CHAMP1: variants seen among roughly 807,000 people sequenced by gnomAD.
CHAMP1 encodes the protein chromosome alignment maintaining phosphoprotein 1, also known as chromosome alignment-maintaining phosphoprotein 1.
In CHAMP1, 4 loss-of-function variants were observed where a neutral mutation model predicts 54.5. That is an observed-to-expected ratio of 0.07 (90% confidence interval 0.04 to 0.17). CHAMP1 has a LOEUF of 0.17. CHAMP1 is among the 10% of genes least tolerant of loss of function. CHAMP1 has a pLI of 1.00. For synonymous variants in CHAMP1, 368 were observed against 342.2 expected, an observed-to-expected ratio of 1.08 and a Z score of -0.83; for missense variants, 994 against 968.6, an observed-to-expected ratio of 1.03 and a Z score of -0.35.
chr13:114,323,142 A>C (rs991793995), intron 2 of CHAMP1: 2 of 152,220 alleles, frequency 1.3e-5, no homozygotes, highest in African/African-American at 4.8e-5. Context: ...GCCATATTGC[A>C]AAGCACTGCT....
rs782358795 is a variant in CHAMP1 at position 114,325,347 on chromosome 13, C to A, written c.1505C>A (p.Ser502Tyr). ...VFPETRKPGP[S>Y]GPSESPKAAS... ...CCTGAGACCCGAAAACCAGGTCCTT[C>A]TGGGCCATCTGAGTCCCCCAAAGCA... Residue 502 changes from serine to tyrosine, a missense_variant, in exon 3 of 3, where the codon TCT (serine) becomes TAT (tyrosine). Coordinates refer to ENST00000361283, the MANE Select transcript of CHAMP1 (RefSeq NM_032436.4). 1 of 1,614,144 alleles carries A rather than the reference C, an allele frequency of 6.2e-7. No individual in the cohort carries two copies. The highest frequency in any genetic ancestry group is 8.5e-7 in the Non-Finnish European group (1 of 1,180,034).
At chr13:114,320,674 G>C (rs536233935) in intron 1 of CHAMP1, among the ~76,000 whole-genome samples, 26 of 151,940 alleles carry the variant, frequency 1.7e-4, no homozygotes, top group Admixed American at 9.8e-4. Flanking sequence ...GTAAGTGTTC[G>C]GGCTGGGCGC....
At chr13:114,314,988 A>G (rs1031292191) in intron 1 of CHAMP1, among the ~76,000 whole-genome samples, 4 of 152,214 alleles carry the variant, frequency 2.6e-5, no homozygotes, top group African/African-American at 9.6e-5. Flanking sequence ...TTACTGTTTA[A>G]AAATCCGCTA....
Position 114,324,624 on chromosome 13 carries a change from C to T in CHAMP1, c.782C>T (p.Pro261Leu), listed in dbSNP as rs1555379550. 2 of 1,614,060 alleles carry T rather than the reference C, an allele frequency of 1.2e-6. No homozygotes were observed. Among genetic ancestry groups the T allele is most frequent in the Admixed American group, 3.3e-5 (2 of 60,004 alleles). The change falls in exon 3 of 3, where the codon CCA (proline) becomes CTA (leucine). Residue 261 changes from proline (P) to leucine (L), a missense_variant. This residue lies in a region of CHAMP1 where 851 missense variants were observed against 701.3 expected (regional missense o/e 1.21). Transcript: ENST00000361283. ...TCCCCAGAACCTTGGGGACCATCCC[C>T]AGCTGCATCTCCAGAATCTCGGAAG... ...AASPEPWGPS[P>L]AASPESRKSA...
intron 2 of CHAMP1, among the ~76,000 whole-genome samples, chr13:114,321,848 G>A (rs2087176488): frequency 6.6e-6 from 1 of 152,070 alleles, no homozygotes; most frequent in Admixed American, 6.5e-5. Context: ...CAGGATAACT[G>A]CTGGGCAACT....
At position 114,320,873 on chromosome 13, in the gene CHAMP1, A is replaced by G. The variant is rs565379930; in HGVS notation, c.-178-237A>G. Reference sequence around the variant, plus strand: ...CAGGAGGCTGAGGCAGGAGAATGGCATGAACCCTGGAGGCGGAGCTTGCAG... The same window carrying G: ...CAGGAGGCTGAGGCAGGAGAATGGCGTGAACCCTGGAGGCGGAGCTTGCAG... On this transcript the variant is annotated intron_variant, in intron 1 of 2. Transcript: ENST00000361283. Among the ~76,000 whole-genome samples the G allele has an allele frequency of 1.8e-3, 273 of 151,726 alleles. 1 individual carries two copies. The highest frequency in any genetic ancestry group is 5.4e-3 in the South Asian group (26 of 4,786).
rs201708961 is a variant in CHAMP1, at chr13:114,325,151, C to G, written c.1309C>G (p.Pro437Ala). The G allele has an allele frequency of 5.4e-5, 87 of 1,614,014 alleles. No individual in the cohort carries two copies. The highest frequency in any genetic ancestry group is 7.3e-5 in the Non-Finnish European group (86 of 1,180,018). Residue 437 changes from proline to alanine, a missense_variant, in exon 3 of 3, where the codon CCA (proline) becomes GCA (alanine). By Grantham distance (27) the Pro-to-Ala change is conservative. This residue lies in a region of CHAMP1 where 851 missense variants were observed against 701.3 expected (regional missense o/e 1.21). Coordinates refer to ENST00000361283, the MANE Select transcript of CHAMP1 (RefSeq NM_032436.4). The stretch of plus-strand genomic sequence containing the variant: ...AGAGATCCGTAGTCCAGCAGGATCT[C>G]CAGAGCTCAGAAAACCCTCAGGGTC... ...SPEIRSPAGS[P>A]ELRKPSGSPD... is the part of the protein sequence containing the mutation.
At position 114,324,542 on chromosome 13, in the gene CHAMP1, C is replaced by T; in HGVS notation, c.700C>T (p.Pro234Ser). 6.2e-7 allele frequency: 1 copy of T among 1,614,136 alleles called. No homozygotes were observed. Among genetic ancestry groups the T allele is most frequent in the South Asian group, 1.1e-5 (1 of 91,082 alleles). ...CAAACCCCAGAAGCAGTCTCATTTC[C>T]CGGAAACATTGGGGCCACCTTCAGC... ...NPKPQKQSHF[P>S]ETLGPPSASS... Residue 234 changes from proline (P) to serine (S), a missense_variant, in exon 3 of 3, where the codon CCG becomes TCG. Around this residue, in one of 3 missense-constraint regions of CHAMP1, gnomAD observed 851 missense variants for 701.3 expected, o/e 1.21. Coordinates refer to ENST00000361283, the MANE Select transcript of CHAMP1 (RefSeq NM_032436.4).
chr13:114,317,227 G>T (rs1365970536), intron 1 of CHAMP1, among the ~76,000 whole-genome samples: 1 of 152,082 alleles, frequency 6.6e-6, no homozygotes, highest in African/African-American at 2.4e-5. Flanking sequence ...CATGTTGGCT[G>T]TTGGCCAGGC....
chr13:114,324,869 G>T lies in CHAMP1; in HGVS notation c.1027G>T (p.Val343Leu), dbSNP rs931364807. Residue 343 changes from valine (V) to leucine (L), a missense_variant, in exon 3 of 3, where the codon GTG (valine) becomes TTG (leucine). Transcript: ENST00000361283. ...PWKPAKPAPS[V>L]SPGPWKPIPS... is the part of the protein sequence containing the mutation. ...GAAGCCAGCTAAACCTGCTCCATCT[G>T]TGTCTCCTGGACCTTGGAAACCAAT... 5 of 1,614,146 alleles carry T rather than the reference G, an allele frequency of 3.1e-6. No homozygotes were observed. The highest frequency in any genetic ancestry group is 3.3e-5 in the Admixed American group (2 of 60,018).
rs1044758268 is a variant in CHAMP1 at position 114,325,729 on chromosome 13, T to C, written c.1887T>C (p.Ala629=). Residue 629 remains alanine (A), a synonymous_variant, in exon 3 of 3, where the codon GCT becomes GCC. Transcript: ENST00000361283. Reference sequence around the variant, plus strand: ...AAGACAACCAAGAGAGCTCAGACGCTGAGCTTAGTAGTAGTGAGTACATAA... The same window carrying C: ...AAGACAACCAAGAGAGCTCAGACGCCGAGCTTAGTAGTAGTGAGTACATAA... ...LKKDNQESSD[A]ELSSSEYIKT... 1.2e-5 allele frequency: 19 copies of C among 1,614,034 alleles called. No homozygotes were observed. In the African/African-American group the frequency reaches 2.3e-4, roughly 19 times the overall value.
chr13:114,315,604 T>C (rs919310178), intron 1 of CHAMP1, among the ~76,000 whole-genome samples: 28 of 152,086 alleles, frequency 1.8e-4, no homozygotes, highest in African/African-American at 6.8e-4. Flanking sequence ...ATTGAACACA[T>C]TATGTTGAGT....
chr13:114,323,799 G>A lies in CHAMP1; in HGVS notation c.-44G>A, dbSNP rs782567790. 1.3e-6 allele frequency: 2 copies of A among 1,531,726 alleles called. No individual in the cohort carries two copies. Among genetic ancestry groups the A allele is most frequent in the Non-Finnish European group, 1.8e-6 (2 of 1,142,402 alleles). The allele number at this position is 1,531,726 out of a possible 1,614,324, so 94.9% of individuals were successfully genotyped here. ...CTACTTTATTGCAGCAGTATTGAAA[G>A]TTTTTAAAGAATATAACCGTGTGTG... On this transcript the variant is annotated 5_prime_UTR_variant, in exon 3 of 3. Transcript: ENST00000361283.
chr13:114,315,771 G>A (rs1392292552), intron 1 of CHAMP1, among the ~76,000 whole-genome samples: 1 of 152,076 alleles, frequency 6.6e-6, no homozygotes, highest in South Asian at 2.1e-4. Flanking sequence ...GGTGATGTTT[G>A]CACAACGTTT....
In CHAMP1 at chr13:114,316,758, T is replaced by G. The variant is rs181836920; in HGVS notation, c.-179+2115T>G. Among the ~76,000 whole-genome samples, 596 of 152,026 alleles carry G rather than the reference T, an allele frequency of 3.9e-3. 3 individuals carry two copies. Among genetic ancestry groups the G allele is most frequent in the African/African-American group, 0.014 (563 of 41,458 alleles). On this transcript the variant is annotated intron_variant, in intron 1 of 2. Coordinates refer to ENST00000361283, the MANE Select transcript of CHAMP1 (RefSeq NM_032436.4). ...GGAACCAGAAGTGCTTTGGATTTTTTTTTTTTTTTTTGGATTTTGGAATAG... is the reference window on the plus strand; with the variant it reads ...GGAACCAGAAGTGCTTTGGATTTTTGTTTTTTTTTTTGGATTTTGGAATAG...
In CHAMP1 at chr13:114,324,071, G is replaced by A; in HGVS notation, c.229G>A (p.Val77Ile). The A allele has an allele frequency of 1.2e-6, 2 of 1,614,184 alleles. No individual in the cohort carries two copies. Among genetic ancestry groups the A allele is most frequent in the Non-Finnish European group, 1.7e-6 (2 of 1,180,040 alleles). The change falls in exon 3 of 3, where the codon GTA (valine) becomes ATA (isoleucine). Residue 77 changes from valine to isoleucine, a missense_variant. Physicochemically the swap from Val to Ile is conservative, Grantham distance 29. Around this residue, in one of 3 missense-constraint regions of CHAMP1, gnomAD observed 84 missense variants for 120.7 expected, o/e 0.70. Transcript: ENST00000361283. ...CFFTSKMYSN[V>I]YYHITSKHAS... ...CTTCACCAGCAAGATGTACTCTAAT[G>A]TATACTATCACATCACATCCAAACA...
Position 114,325,213 on chromosome 13 carries a change from A to T in CHAMP1, c.1371A>T (p.Lys457Asn), listed in dbSNP as rs2087230321. Residue 457 changes from lysine to asparagine, a missense_variant, in exon 3 of 3, where the codon AAA becomes AAT. Physicochemically the swap from Lys to Asn is moderately conservative, Grantham distance 94. Coordinates refer to ENST00000361283, the MANE Select transcript of CHAMP1 (RefSeq NM_032436.4). ...GGAAGCTTTCTCCTGATCAGCGGAA[A>T]ACTTCTCCTGCTTCACTTGATTTCC... ...DLWKLSPDQR[K>N]TSPASLDFPE... 2 of 1,614,110 alleles carry T rather than the reference A, an allele frequency of 1.2e-6. No individual in the cohort carries two copies. Among genetic ancestry groups the T allele is most frequent in the Admixed American group, 3.3e-5 (2 of 60,012 alleles).
Position 114,325,154 on chromosome 13 carries a change from G to T in CHAMP1, c.1312G>T (p.Glu438Ter). The T allele has an allele frequency of 6.2e-7, 1 of 1,614,118 alleles. No homozygotes were observed. Among genetic ancestry groups the T allele is most frequent in the African/African-American group, 1.3e-5 (1 of 74,992 alleles). Residue 438 changes from glutamate (E) to a stop codon, truncating the protein, a stop_gained, in exon 3 of 3, where the codon GAG (glutamate) becomes TAG (stop). Coordinates refer to ENST00000361283, the MANE Select transcript of CHAMP1 (RefSeq NM_032436.4). LOFTEE classifies it high-confidence loss of function. ...PEIRSPAGSP[E>*]LRKPSGSPDL... is the part of the protein sequence containing the mutation. ...GATCCGTAGTCCAGCAGGATCTCCA[G>T]AGCTCAGAAAACCCTCAGGGTCACC...
chr13:114,315,146 G>A (rs1313768534), intron 1 of CHAMP1, among the ~76,000 whole-genome samples: 2 of 152,148 alleles, frequency 1.3e-5, no homozygotes, highest in African/African-American at 4.8e-5. Context: ...AGAGAAGAGA[G>A]ACAAATGGCC....
Sources: gnomAD v4.1 joint callset for allele counts (sites outside exome capture counted in the v4.1 genomes callset) on GRCh38, gnomAD v4.1.1 for gene constraint, gnomAD v4.1.1 regional missense constraint, MANE v1.5 for transcripts, NCBI Gene and HGNC (gene_info 2026-07-23, HGNC 2026-07-21) for gene names.